The following GJB7 variants were observed in gnomAD, a reference collection of about 807,000 sequenced individuals.
The protein encoded by GJB7 is gap junction beta-7 protein.
For missense variants in GJB7, 253 were observed against 256.8 expected (o/e 0.99, Z 0.10); for synonymous variants, 87 against 95.2 (o/e 0.91, Z 0.50).
At chr6:87,324,287 G>A (rs1776760988) in intron 1 of GJB7, among the ~76,000 whole-genome samples, 1 of 152,178 alleles carries the variant, frequency 6.6e-6, no homozygotes, top group African/African-American at 2.4e-5. Flanking sequence ...GATCCTATTT[G>A]TCAATTTTGG....
At chr6:87,306,449 G>C (rs1055105448) in intron 2 of GJB7, among the ~76,000 whole-genome samples, 1 of 152,184 alleles carries the variant, frequency 6.6e-6, no homozygotes. Context: ...GGCCATCAGA[G>C]AAATGCAAAT....
intron 2 of GJB7, among the ~76,000 whole-genome samples, chr6:87,306,980 C>T (rs1354630969): frequency 1.3e-5 from 2 of 151,808 alleles, no homozygotes; most frequent in African/African-American, 4.8e-5. Context: ...ACAATGGGAA[C>T]ACATGGACAC....
intron 2 of GJB7, among the ~76,000 whole-genome samples, chr6:87,305,465 A>G (rs1776409520): frequency 2.6e-5 from 4 of 152,226 alleles, no homozygotes; most frequent in Admixed American, 2.6e-4. Context: ...AATCCAACTT[A>G]CAAGGGATGT....
chr6:87,302,744 A>C (rs528464296), intron 2 of GJB7, among the ~76,000 whole-genome samples: 8 of 152,318 alleles, frequency 5.3e-5, no homozygotes, highest in Non-Finnish European at 1.0e-4. Flanking sequence ...ACCAAAGTTG[A>C]AATGAAGGAA....
In GJB7 at chr6:87,284,664, C is replaced by T. The variant is rs73754173; in HGVS notation, c.249G>A (p.Met83Ile). ...QVRLWALQLI[M>I]VSTPSLLVVL... ...CCACCAGAAGTGAAGGTGTGGAGAC[C>T]ATTATCAGTTGTAAGGCCCAAAGTC... is the stretch of plus-strand genomic sequence containing the variant. The change falls in exon 3 of 3, where the codon ATG becomes ATA. Residue 83 changes from methionine to isoleucine, a missense_variant. Physicochemically the swap from Met to Ile is conservative, Grantham distance 10 (BLOSUM62 1). Transcript: ENST00000525899. The T allele has an allele frequency of 2.3e-3, 3,710 of 1,614,048 alleles. 71 individuals carry two copies. The African/African-American group carries it at 0.038, about 17-fold the overall frequency.
At chr6:87,309,387 CCCTG>C (rs1029820766) in intron 2 of GJB7, among the ~76,000 whole-genome samples, 6 of 152,238 alleles carry the variant, frequency 3.9e-5, no homozygotes, top group South Asian at 2.1e-4. Context: ...CCAGAGTCTT[CCCTG>C]CCTGACTGCC....
intron 2 of GJB7, among the ~76,000 whole-genome samples, chr6:87,302,783 G>A (rs1776354479): frequency 6.6e-6 from 1 of 152,192 alleles, no homozygotes; most frequent in South Asian, 2.1e-4. Context: ...AGAGAGAAAG[G>A]TTGGGTTACC....
intron 2 of GJB7, chr6:87,299,348 C>T (rs1776288490): frequency 1.0e-5 from 5 of 476,316 alleles, no homozygotes; most frequent in Non-Finnish European, 1.3e-5. Flanking sequence ...GGTGTCCTCA[C>T]AGTAAAGGAT....
rs537375167 is a variant in GJB7, at chr6:87,305,098, C to T, written c.-28+17768G>A. 2.5e-4 allele frequency among the ~76,000 whole-genome samples: 38 copies of T among 152,254 alleles called. No homozygotes were observed. The South Asian group carries it at 7.7e-3, about 31-fold the overall frequency. ...TGAATGGGCAAAAACTGGAAGCATT[C>T]CCTTTGAAAACTGGCATAAGATAGG... On this transcript the variant is annotated intron_variant, in intron 2 of 2. Coordinates refer to ENST00000525899, the MANE Select transcript of GJB7 (RefSeq NM_198568.3).
intron 1 of GJB7, among the ~76,000 whole-genome samples, chr6:87,325,152 TAAG>T (rs927650742): frequency 2.6e-5 from 4 of 152,200 alleles, no homozygotes; most frequent in Non-Finnish European, 5.9e-5. Flanking sequence ...CTTATCAGCT[TAAG>T]GAGATGTTGG....
chr6:87,294,860 A>G (rs972544833), intron 2 of GJB7, among the ~76,000 whole-genome samples: 1 of 152,234 alleles, frequency 6.6e-6, no homozygotes, highest in Non-Finnish European at 1.5e-5. Flanking sequence ...CCCACAATAC[A>G]TATCCAGCCC....
Position 87,284,464 on chromosome 6 carries a change from C to T in GJB7, c.449G>A (p.Ser150Asn), listed in dbSNP as rs781068834. 6.2e-6 allele frequency: 10 copies of T among 1,613,788 alleles called. No individual in the cohort carries two copies. Among genetic ancestry groups the T allele is most frequent in the Non-Finnish European group, 7.6e-6 (9 of 1,179,880 alleles). Residue 150 changes from serine (S) to asparagine (N), a missense_variant, in exon 3 of 3, where the codon AGT becomes AAT. Transcript: ENST00000525899. ...ATCACACTTTATAAGGTAGGGAACA[C>T]TAAAGCCATCATATAGCTTATAAAA... ...VLFYKLYDGFSVPYLIKCDLK... is the reference protein window; with the variant it reads ...VLFYKLYDGFNVPYLIKCDLK...
chr6:87,323,959 T>A (rs913334259), intron 1 of GJB7, among the ~76,000 whole-genome samples: 1 of 151,470 alleles, frequency 6.6e-6, no homozygotes, highest in African/African-American at 2.4e-5. Flanking sequence ...TTTTAATGAT[T>A]GCCATTCTAA....
chr6:87,307,262 C>T (rs1776444506), intron 2 of GJB7, among the ~76,000 whole-genome samples: 1 of 147,760 alleles, frequency 6.8e-6, no homozygotes, highest in African/African-American at 2.5e-5. Flanking sequence ...GACCAAAAAC[C>T]ATAAAAACCC....
intron 2 of GJB7, among the ~76,000 whole-genome samples, chr6:87,316,001 AG>A (rs547506323): frequency 1.1e-3 from 160 of 152,248 alleles, no homozygotes; most frequent in African/African-American, 3.7e-3. Context: ...CTGAAATAAC[AG>A]GTGTGTGCTG....
At chr6:87,290,776 G>T (rs531466393) in intron 2 of GJB7, among the ~76,000 whole-genome samples, 1 of 152,154 alleles carries the variant, frequency 6.6e-6, no homozygotes, top group Non-Finnish European at 1.5e-5. Flanking sequence ...TACTGTTGTC[G>T]ATGGCTGCTT....
intron 2 of GJB7, among the ~76,000 whole-genome samples, chr6:87,311,200 G>C (rs1191646944): frequency 6.6e-6 from 1 of 152,168 alleles, no homozygotes; most frequent in African/African-American, 2.4e-5. Context: ...ATTCACTTCT[G>C]CTGGGAGTAT....
intron 1 of GJB7, among the ~76,000 whole-genome samples, chr6:87,324,860 C>A (rs1293779363): frequency 6.6e-6 from 1 of 152,178 alleles, no homozygotes; most frequent in Non-Finnish European, 1.5e-5. Context: ...TTACCTTGGG[C>A]AGTATGGCCA....
chr6:87,327,788 C>T (rs1416981268), intron 1 of GJB7, among the ~76,000 whole-genome samples: 2 of 147,224 alleles, frequency 1.4e-5, no homozygotes, highest in African/African-American at 2.5e-5. Flanking sequence ...TTTCCTGAAT[C>T]TGAATGTTGG....
Sources: gnomAD v4.1 joint callset for allele counts (sites outside exome capture counted in the v4.1 genomes callset) on GRCh38, gnomAD v4.1.1 for gene constraint, MANE v1.5 for transcripts, NCBI Gene and HGNC (gene_info 2026-07-23, HGNC 2026-07-21) for gene names.